The following SEC31B variants were observed in gnomAD, a reference collection of about 807,000 sequenced individuals.
SEC31B encodes protein transport protein Sec31B.
SEC31B carries 113 observed loss-of-function variants against 135.0 expected under a neutral mutation model. That is an observed-to-expected ratio of 0.84 (90% CI 0.72 to 0.98). The LOEUF (loss-of-function observed/expected upper bound fraction) is 0.98, where lower values mean the gene tolerates loss of function less well. Ranked by LOEUF, SEC31B falls within the 50% of genes least tolerant of loss-of-function variation. SEC31B has a pLI of 0.00. For missense variants in SEC31B, 1,296 were observed against 1,421.1 expected (o/e 0.91, Z 1.42); for synonymous variants, 508 against 549.4 (o/e 0.92, Z 1.05).
chr10:100,490,350 G>C (rs568594537), intron 20 of SEC31B, 28 bp from the exon 21 acceptor site: 10 of 1,593,316 alleles, frequency 6.3e-6, no homozygotes, highest in Non-Finnish European at 8.5e-6. Context: ...TAGGTCATTT[G>C]TCACTAAACT....
At position 100,486,653 on chromosome 10, in the gene SEC31B, C is replaced by A. The variant is rs893187768; in HGVS notation, c.*963G>T. ...TGGGAGATGACAGAGGAAACCAAAT[C>A]GAAGCAGCTTTATTGCACCATTAAG... On this transcript the variant is annotated 3_prime_UTR_variant, in exon 26 of 26. Transcript: ENST00000370345. 2.0e-5 allele frequency: 3 copies of A among 152,186 alleles called. No individual in the cohort carries two copies. The highest frequency in any genetic ancestry group is 7.2e-5 in the African/African-American group (3 of 41,424). The allele number at this position is 152,186 out of a possible 1,614,324, so 9.4% of individuals were successfully genotyped here.
At chr10:100,488,835 C>T (rs1291421182) in intron 24 of SEC31B, 23 bp downstream of exon 24, 1 of 1,557,772 alleles carries the variant, frequency 6.4e-7, no homozygotes, top group South Asian at 1.2e-5. Flanking sequence ...GAGGAGGGCA[C>T]TGTGAAGAAG....
intron 17 of SEC31B, 47 bp downstream of exon 17, chr10:100,497,088 C>A: frequency 6.2e-7 from 1 of 1,600,084 alleles, no homozygotes; most frequent in Admixed American, 1.7e-5. Context: ...CACTAGCCTC[C>A]TAAGGGCCTG....
intron 6 of SEC31B, 64 bp from the exon 7 acceptor site, chr10:100,507,631 C>T: frequency 6.3e-7 from 1 of 1,597,716 alleles, no homozygotes; most frequent in Admixed American, 1.7e-5. Context: ...TGAAATGGGA[C>T]CACTCTGAGA....
chr10:100,505,285 T>C, intron 10 of SEC31B, 76 bp downstream of exon 10: 2 of 1,555,298 alleles, frequency 1.3e-6, no homozygotes, highest in East Asian at 2.4e-5. Flanking sequence ...GCTGGGCACA[T>C]GGTAGGCTTC....
intron 8 of SEC31B, 57 bp from the exon 9 acceptor site, chr10:100,506,258 G>A: frequency 1.2e-6 from 2 of 1,614,038 alleles, no homozygotes; most frequent in Middle Eastern, 1.6e-4. Context: ...ACACATGGCT[G>A]CAGCTGAGAT....
At chr10:100,495,594 A>C in intron 18 of SEC31B, 48 bp from the exon 19 acceptor site, 3 of 1,572,942 alleles carry the variant, frequency 1.9e-6, no homozygotes, top group South Asian at 2.3e-5. Flanking sequence ...TAAAACAATC[A>C]AGGCCCCAGG....
Position 100,506,304 on chromosome 10 carries a change from C to A in SEC31B, c.882+17G>T. The A allele has an allele frequency of 6.2e-7, 1 of 1,614,144 alleles. No individual in the cohort carries two copies. The highest frequency in any genetic ancestry group is 1.1e-5 in the South Asian group (1 of 91,080). On this transcript the variant is annotated intron_variant, in intron 8 of 25. Coordinates refer to ENST00000370345, the MANE Select transcript of SEC31B (RefSeq NM_015490.4). The stretch of plus-strand genomic sequence containing the variant: ...TCTCTCTCCCATCCCAGCATGCCCA[C>A]AGAAGGGCCAGCCTACCTCACTGCT...
chr10:100,505,335 C>A, intron 10 of SEC31B, 26 bp downstream of exon 10: 1 of 1,612,062 alleles, frequency 6.2e-7, no homozygotes, highest in Non-Finnish European at 8.5e-7. Context: ...CAAACACACA[C>A]ACACCTATAC....
chr10:100,510,235 C>T (rs1473234742), intron 3 of SEC31B, among the ~76,000 whole-genome samples: 2 of 152,220 alleles, frequency 1.3e-5, no homozygotes, highest in Non-Finnish European at 2.9e-5. Context: ...AATTCACTCT[C>T]AAACTGGAAA....
Position 100,499,547 on chromosome 10 carries a change from T to C in SEC31B, c.1462A>G (p.Ser488Gly). ...RMKFLKLLGYSKDELQKKVAT... is the reference protein window; with the variant it reads ...RMKFLKLLGYGKDELQKKVAT... ...ACCTTCTTCTGAAGCTCATCTTTAC[T>C]GTATCCTAAAAGCTTTAGGAATTTC... Residue 488 changes from serine (S) to glycine (G), a missense_variant, in exon 12 of 26, where the codon AGT (serine) becomes GGT (glycine). Ser to Gly is a moderately conservative substitution (Grantham distance 56, BLOSUM62 0). Coordinates refer to ENST00000370345, the MANE Select transcript of SEC31B (RefSeq NM_015490.4). The C allele has an allele frequency of 1.2e-6, 2 of 1,612,020 alleles. No homozygotes were observed. Among genetic ancestry groups the C allele is most frequent in the East Asian group, 2.2e-5 (1 of 44,876 alleles).
In SEC31B at chr10:100,487,353, G is replaced by A; in HGVS notation, c.*263C>T. 1 of 471,062 alleles carries A rather than the reference G, an allele frequency of 2.1e-6. No homozygotes were observed. The highest frequency in any genetic ancestry group is 4.0e-5 in the East Asian group (1 of 25,304). The allele number at this position is 471,062 out of a possible 1,614,324, so 29.2% of individuals were successfully genotyped here. A position where few individuals can be genotyped will look rare whatever the true frequency, so the allele number is the denominator to read the frequency against. ...ATCCTGCCCCAGGTCCTTACAGAGT[G>A]TAGTATTAGGGAGAGTGAAGAACTG... On this transcript the variant is annotated 3_prime_UTR_variant, in exon 26 of 26. Coordinates refer to ENST00000370345, the MANE Select transcript of SEC31B (RefSeq NM_015490.4).
rs746576404 is a variant in SEC31B at position 100,490,870 on chromosome 10, G to A, written c.2486C>T (p.Ser829Phe). ...SQPSHQVPTP[S>F]PRPRVFTPQS... Reference sequence around the variant, plus strand: ...AGGGGTGAAAACCCTTGGCCTTGGAGATGGAGTTGGGACCTATGAAGAGAA... The same window carrying A: ...AGGGGTGAAAACCCTTGGCCTTGGAAATGGAGTTGGGACCTATGAAGAGAA... The change falls in exon 20 of 26, where the codon TCT becomes TTT. Residue 829 changes from serine to phenylalanine, a missense_variant. Transcript: ENST00000370345. The A allele has an allele frequency of 1.6e-5, 24 of 1,526,122 alleles. 1 individual carries two copies. The East Asian group carries it at 5.6e-4, about 36-fold the overall frequency. 94.5% of individuals were successfully genotyped at this position (1,526,122 alleles called of 1,614,324 possible).
chr10:100,514,580 AAG>A (rs1489059135), intron 3 of SEC31B, among the ~76,000 whole-genome samples: 1 of 152,016 alleles, frequency 6.6e-6, no homozygotes, highest in Non-Finnish European at 1.5e-5. Context: ...CCTGCAAAAT[AAG>A]AGATGCTCTC....
rs1851623449 is a variant in SEC31B, at chr10:100,506,031, C to G, written c.1044+9G>C. On this transcript the variant is annotated intron_variant, in intron 9 of 25. Transcript: ENST00000370345. ...TTCCCTCCAGCATTCTCTACCAAGCCCTTCAAACCTTGTCAGCCTGTCTCA... is the reference window on the plus strand; with the variant it reads ...TTCCCTCCAGCATTCTCTACCAAGCGCTTCAAACCTTGTCAGCCTGTCTCA... 6.2e-7 allele frequency: 1 copy of G among 1,613,234 alleles called. No homozygotes were observed. Among genetic ancestry groups the G allele is most frequent in the African/African-American group, 1.3e-5 (1 of 74,904 alleles).
chr10:100,517,425 G>A (rs952334044), intron 1 of SEC31B, among the ~76,000 whole-genome samples: 4 of 152,154 alleles, frequency 2.6e-5, no homozygotes, highest in African/African-American at 9.7e-5. Context: ...GCAGTGACAC[G>A]ATCTCAGCTC....
intron 3 of SEC31B, among the ~76,000 whole-genome samples, chr10:100,514,011 C>T (rs569373639): frequency 1.3e-5 from 2 of 151,454 alleles, no homozygotes; most frequent in African/African-American, 4.9e-5. Context: ...ATGGTGAAAC[C>T]CCATCTTGAC....
intron 2 of SEC31B, 54 bp downstream of exon 2, chr10:100,516,820 T>C: frequency 7.7e-7 from 1 of 1,299,614 alleles, no homozygotes; most frequent in Non-Finnish European, 1.1e-6. Flanking sequence ...AGATACTAAG[T>C]TTCCCCTCAA....
In SEC31B at chr10:100,497,775, G is replaced by C. The variant is rs778372832; in HGVS notation, c.1882C>G (p.Gln628Glu). ...CACACCACATCCTTCCAATTCTTTT[G>C]CACAACACAGGCTAGAAGCTGTAAT... ...KISSLLACVV[Q>E]KNWKDVVCTC... is the part of the protein sequence containing the mutation. Residue 628 changes from glutamine to glutamate, a missense_variant, in exon 16 of 26, where the codon CAA becomes GAA. Coordinates refer to ENST00000370345, the MANE Select transcript of SEC31B (RefSeq NM_015490.4). The C allele has an allele frequency of 1.2e-6, 2 of 1,614,174 alleles. No individual in the cohort carries two copies. The highest frequency in any genetic ancestry group is 1.7e-6 in the Non-Finnish European group (2 of 1,180,050).
Sources: gnomAD v4.1 joint callset for allele counts (sites outside exome capture counted in the v4.1 genomes callset) on GRCh38, gnomAD v4.1.1 for gene constraint, MANE v1.5 for transcripts, NCBI Gene and HGNC (gene_info 2026-07-23, HGNC 2026-07-21) for gene names.